MPRIP: variants seen among roughly 807,000 people sequenced by gnomAD.
MPRIP encodes myosin phosphatase Rho interacting protein, also known as myosin phosphatase Rho-interacting protein.
MPRIP carries 59 observed loss-of-function variants against 234.9 expected under a neutral mutation model. The ratio of observed to expected loss-of-function variants is 0.25; its 90% confidence interval spans 0.20 to 0.31. The LOEUF (loss-of-function observed/expected upper bound fraction) is 0.31, where lower values mean the gene tolerates loss of function less well. MPRIP is among the 10% of genes least tolerant of loss of function. The pLI is 1.00. For synonymous variants in MPRIP, 1,144 were observed against 1,263.9 expected (o/e 0.91, Z 2.01); for missense variants, 2,436 against 3,071.0 (o/e 0.79, Z 4.89).
In MPRIP at chr17:17,043,693, A is replaced by T. The variant is rs1449906414; in HGVS notation, c.123+722A>T. Among the ~76,000 whole-genome samples, 3 of 152,286 alleles carry T rather than the reference A, an allele frequency of 2.0e-5. No homozygotes were observed. The East Asian group carries it at 5.8e-4, about 29-fold the overall frequency. Reference sequence around the variant, plus strand: ...GTTCTGGGGCCCCCGCCCTGGAGTGACTGGGGAGATGGGGAATTTGTATTG... The same window carrying T: ...GTTCTGGGGCCCCCGCCCTGGAGTGTCTGGGGAGATGGGGAATTTGTATTG... On this transcript the variant is annotated intron_variant, in intron 1 of 23. Transcript: ENST00000651222.
intron 19 of MPRIP, 134 bp downstream of exon 19, chr17:17,174,209 A>G (rs962368799): frequency 2.5e-5 from 28 of 1,126,600 alleles, no homozygotes; most frequent in Middle Eastern, 2.3e-4. Context: ...CCTGAACCAC[A>G]GAGTGGTTAC....
intron 3 of MPRIP, among the ~76,000 whole-genome samples, chr17:17,117,729 A>G (rs897753793): frequency 6.6e-6 from 1 of 152,202 alleles, no homozygotes; most frequent in African/African-American, 2.4e-5. Flanking sequence ...ATATCCAGTA[A>G]TCAACTTGTT....
At chr17:17,108,267 GTCTT>G (rs1232887165) in intron 3 of MPRIP, among the ~76,000 whole-genome samples, 2 of 152,208 alleles carry the variant, frequency 1.3e-5, no homozygotes, top group African/African-American at 4.8e-5. Context: ...ACACTCTTCT[GTCTT>G]TCTTTGCTTT....
At position 17,146,101 on chromosome 17, in the gene MPRIP, G is replaced by T. The variant is rs1003888697; in HGVS notation, c.1560+9G>T. Reference sequence around the variant, plus strand: ...AGTATGAGGACGGCCAGGTGAGTGTGCAGGGTTGCCGTGGCCCCTGAGGGA... The same window carrying T: ...AGTATGAGGACGGCCAGGTGAGTGTTCAGGGTTGCCGTGGCCCCTGAGGGA... On this transcript the variant is annotated intron_variant, in intron 10 of 23. Transcript: ENST00000651222. The T allele has an allele frequency of 3.1e-6, 5 of 1,613,762 alleles. No homozygotes were observed. The highest frequency in any genetic ancestry group is 4.2e-6 in the Non-Finnish European group (5 of 1,179,836).
intron 3 of MPRIP, among the ~76,000 whole-genome samples, chr17:17,082,352 A>G (rs760554190): frequency 8.9e-5 from 12 of 134,576 alleles, no homozygotes; most frequent in South Asian, 4.5e-4. Flanking sequence ...CTGGAGTGCA[A>G]TGGCGCAGTC....
At chr17:17,173,764 A>T (rs2046194973) in intron 18 of MPRIP, 152 bp from the exon 19 acceptor site, 1 of 865,960 alleles carries the variant, frequency 1.2e-6, no homozygotes, top group Non-Finnish European at 1.9e-6. Flanking sequence ...TCTGTAAGGG[A>T]TCCCTTACTC....
chr17:17,177,782 G>A lies in MPRIP; in HGVS notation c.7120+370G>A, dbSNP rs1188845782. On this transcript the variant is annotated intron_variant, in intron 22 of 23. Transcript: ENST00000651222. ...TAAAAGGCCATAGAGTGGAGAATGG[G>A]AGGGAGCTCCCTGCTTTCTGGAATG... Among the ~76,000 whole-genome samples, 7 of 152,296 alleles carry A rather than the reference G, an allele frequency of 4.6e-5. No individual in the cohort carries two copies. The South Asian group carries it at 1.5e-3, about 32-fold the overall frequency.
Position 17,111,165 on chromosome 17 carries a change from AAAAG to A in MPRIP, c.268-15533_268-15530del, listed in dbSNP as rs1451134951. On this transcript the variant is annotated intron_variant, in intron 3 of 23. Transcript: ENST00000651222. ...AAGTTTAAAAAAAAAAACCAAAAAA[AAAAG>A]AAAAAACCTCTAGGCACAGTGTCGT... Among the ~76,000 whole-genome samples the A allele has an allele frequency of 4.8e-5, 7 of 144,912 alleles. No individual in the cohort carries two copies. In the East Asian group the frequency reaches 1.5e-3, roughly 30 times the overall value.
intron 3 of MPRIP, among the ~76,000 whole-genome samples, chr17:17,080,877 T>A (rs530610564): frequency 5.6e-4 from 85 of 152,186 alleles, no homozygotes; most frequent in Non-Finnish European, 8.8e-4. Context: ...TAGAATGGGG[T>A]GGGCCTGTTT....
intron 11 of MPRIP, 51 bp from the exon 12 acceptor site, chr17:17,150,093 C>A: frequency 7.3e-7 from 1 of 1,361,082 alleles, no homozygotes; most frequent in Non-Finnish European, 1.0e-6. Context: ...CTCATCTAGG[C>A]ATTGGTTCTA....
At chr17:17,094,086 C>T (rs1266538899) in intron 3 of MPRIP, among the ~76,000 whole-genome samples, 3 of 152,174 alleles carry the variant, frequency 2.0e-5, no homozygotes, top group African/African-American at 7.2e-5. Flanking sequence ...CCACCTTCTC[C>T]CCCACCTGTT....
chr17:17,115,475 G>T (rs576907399), intron 3 of MPRIP, among the ~76,000 whole-genome samples: 2 of 152,218 alleles, frequency 1.3e-5, no homozygotes, highest in Admixed American at 1.3e-4. Context: ...AGCCATGAAG[G>T]CCTGTTGGAA....
At chr17:17,127,875 C>T (rs2090523069) in intron 4 of MPRIP, among the ~76,000 whole-genome samples, 1 of 152,232 alleles carries the variant, frequency 6.6e-6, no homozygotes, top group Admixed American at 6.5e-5. Flanking sequence ...AGTCCAGGGC[C>T]ACATGGCAAG....
intron 3 of MPRIP, among the ~76,000 whole-genome samples, chr17:17,087,135 G>A (rs1199772200): frequency 6.6e-6 from 1 of 152,204 alleles, no homozygotes; most frequent in Non-Finnish European, 1.5e-5. Context: ...GGGACTGTGT[G>A]GACCAAAAAC....
At chr17:17,058,038 T>C (rs1463929690) in intron 1 of MPRIP, 1 of 281,382 alleles carries the variant, frequency 3.6e-6, no homozygotes, top group Non-Finnish European at 6.7e-6. Context: ...TTCACAGAGG[T>C]GACCTGAGAT....
rs56270914 is a variant in MPRIP, at chr17:17,192,427, T to TTTGGG, written c.*7533_*7534insTTGGG. 2.5e-3 allele frequency: 12 copies of TTTGGG among 4,814 alleles called. No homozygotes were observed. Among genetic ancestry groups the TTTGGG allele is most frequent in the Non-Finnish European group, 4.7e-3 (9 of 1,922 alleles). 0.3% of individuals were successfully genotyped at this position (4,814 alleles called of 1,614,324 possible). ...ACCAGCTGAGCTGCTGCTTTTTTTT[T>TTTGGG]GGGGGGGGGGGGGGGAGGGGCGTCT... On this transcript the variant is annotated 3_prime_UTR_variant, in exon 24 of 24. Transcript: ENST00000651222.
In MPRIP at chr17:17,166,259, G is replaced by C. The variant is rs1193783786; in HGVS notation, c.4668G>C (p.Leu1556Phe). ...ASLQQCSQSE[L>F]TEQEQVRLLS... ...TGCAGCAGTGCTCCCAGTCTGAGTT[G>C]ACAGAGCAGGAGCAGGTGAGGCTTC... Residue 1556 changes from leucine (L) to phenylalanine (F), a missense_variant, in exon 16 of 24, where the codon TTG becomes TTC. Leu to Phe is a conservative substitution (Grantham distance 22). Transcript: ENST00000651222. This position sits in a 1 kb window ranked among gnomAD's most constrained non-coding sequence, Gnocchi z 4.4. The C allele has an allele frequency of 3.8e-6, 5 of 1,304,134 alleles. No homozygotes were observed. Among genetic ancestry groups the C allele is most frequent in the Non-Finnish European group, 5.1e-6 (5 of 988,958 alleles). The allele number at this position is 1,304,134 out of a possible 1,614,324, so 80.8% of individuals were successfully genotyped here.
chr17:17,068,170 G>A (rs1296296621), intron 1 of MPRIP, among the ~76,000 whole-genome samples: 1 of 151,436 alleles, frequency 6.6e-6, no homozygotes, highest in African/African-American at 2.4e-5. Context: ...TGTTTTTTGA[G>A]ATGAAGTTTC....
rs1213980650 is a variant in MPRIP, at chr17:17,166,848, G to A, written c.5257G>A (p.Val1753Ile). The change falls in exon 16 of 24, where the codon GTC becomes ATC. Residue 1753 changes from valine to isoleucine, a missense_variant. Val to Ile is a conservative substitution (Grantham distance 29). Around this residue, in one of 4 missense-constraint regions of MPRIP, gnomAD observed 1,998 missense variants for 2,520.3 expected, o/e 0.79. Transcript: ENST00000651222. The surrounding 1 kb of genome is among the most constrained non-coding windows in gnomAD (Gnocchi z 4.4). ...CTGGGACCTGAGCCCCTTAGGAGAA[G>A]TCCTGGGCCGAGACTCAGACAGCTC... ...LSWDLSPLGE[V>I]LGRDSDSSQE... is the part of the protein sequence containing the mutation. 7.7e-7 allele frequency: 1 copy of A among 1,304,182 alleles called. No homozygotes were observed. The highest frequency in any genetic ancestry group is 5.6e-5 in the East Asian group (1 of 18,008). 80.8% of individuals were successfully genotyped at this position (1,304,182 alleles called of 1,614,324 possible). A position where few individuals can be genotyped will look rare whatever the true frequency, so the allele number is the denominator to read the frequency against.
Sources: allele counts gnomAD v4.1 joint callset (sites outside exome capture counted in the v4.1 genomes callset), GRCh38; gene constraint gnomAD v4.1.1; regional missense constraint gnomAD v4.1.1; non-coding constraint Gnocchi (gnomAD v3.1); transcripts MANE v1.5; gene names NCBI Gene and HGNC (gene_info 2026-07-23, HGNC 2026-07-21).